C22orf31: variants seen among roughly 807,000 people sequenced by gnomAD.
The protein encoded by C22orf31 is chromosome 22 open reading frame 31, also known as uncharacterized protein C22orf31.
In C22orf31, 11 loss-of-function variants were observed where a neutral mutation model predicts 15.0. That is an observed-to-expected ratio of 0.73 (90% CI 0.46 to 1.21). C22orf31 has a LOEUF of 1.21. Among genes scored for constraint, C22orf31 ranks in the 50% most tolerant of loss-of-function variants. C22orf31 has a pLI of 0.00. For synonymous variants in C22orf31, 132 were observed against 133.3 expected, an observed-to-expected ratio of 0.99 and a Z score of 0.07; for missense variants, 340 against 347.2, an observed-to-expected ratio of 0.98 and a Z score of 0.17.
intron 1 of C22orf31, 67 bp from the exon 2 acceptor site, chr22:29,060,910 A>T: frequency 7.6e-7 from 1 of 1,311,230 alleles, no homozygotes; most frequent in Non-Finnish European, 1.1e-6. Context: ...TAAAAGGTCT[A>T]CTTTGAAGGC....
chr22:29,066,524 CTTTT>C (rs2037430526), upstream of C22orf31, among the ~76,000 whole-genome samples: 1 of 92,816 alleles, frequency 1.1e-5, no homozygotes, highest in Non-Finnish European at 2.3e-5. Flanking sequence ...TTCTTTCTTT[CTTTT>C]CTTTTCTTTT....
the C22orf31 span, among the ~76,000 whole-genome samples, chr22:29,069,006 C>T: frequency 6.6e-6 from 1 of 151,928 alleles, no homozygotes; most frequent in African/African-American, 2.4e-5. Context: ...TTGTGATCCT[C>T]TTGCCTCGGC....
intron 1 of C22orf31, 107 bp from the exon 2 acceptor site, chr22:29,060,950 C>A: frequency 1.1e-6 from 1 of 920,168 alleles, no homozygotes; most frequent in South Asian, 1.6e-5. Context: ...ATAGGCCATT[C>A]CTTCCACCCA....
chr22:29,067,353 C>T, the C22orf31 span, among the ~76,000 whole-genome samples: 2 of 151,580 alleles, frequency 1.3e-5, no homozygotes, highest in Non-Finnish European at 2.9e-5. Context: ...CATTCCAGTC[C>T]CAGCTCTGGA....
upstream of C22orf31, among the ~76,000 whole-genome samples, chr22:29,063,099 G>C (rs1424800197): frequency 6.6e-6 from 1 of 152,056 alleles, no homozygotes; most frequent in African/African-American, 2.4e-5. Context: ...TCTCCATCTT[G>C]AGTTTGGCTT....
the C22orf31 span, among the ~76,000 whole-genome samples, chr22:29,070,871 T>C: frequency 6.6e-6 from 1 of 152,238 alleles, no homozygotes; most frequent in African/African-American, 2.4e-5. Context: ...GACTAGAATG[T>C]AAGTTCCAAG....
chr22:29,067,151 T>C, the C22orf31 span, among the ~76,000 whole-genome samples: 1 of 152,216 alleles, frequency 6.6e-6, no homozygotes, highest in Non-Finnish European at 1.5e-5. Context: ...CTGTTCATAA[T>C]GGATTTTTTT....
At chr22:29,071,454 G>A in the C22orf31 span, among the ~76,000 whole-genome samples, 3 of 152,030 alleles carry the variant, frequency 2.0e-5, no homozygotes, top group African/African-American at 7.2e-5. Context: ...GGTGGCGCCC[G>A]GGGGTTGAGG....
At chr22:29,060,021 C>CTTTTTTTTTTTTTTTT (rs60208241) in intron 2 of C22orf31, 14 of 541,656 alleles carry the variant, frequency 2.6e-5, no homozygotes, top group African/African-American at 7.8e-5. Context: ...TTTTTCTTTT[C>CTTTTTTTTTTTTTTTT]TTTTTTTTTT....
upstream of C22orf31, among the ~76,000 whole-genome samples, chr22:29,066,534 CTTTTCTTTTTTTTTTTTTTTTTT>C (rs1328873560): frequency 4.6e-5 from 3 of 65,116 alleles, no homozygotes; most frequent in Admixed American, 4.0e-4. Flanking sequence ...CTTTTCTTTT[CTTTTCTTTTTTTTTTTTTTTTTT>C]TTTTTTTTTT....
At chr22:29,061,763 T>C (rs748920789) in intron 1 of C22orf31, 27 bp downstream of exon 1, 113 of 1,503,534 alleles carry the variant, frequency 7.5e-5, no homozygotes, top group Middle Eastern at 3.5e-4. Context: ...CTAAGAAATG[T>C]CATCTATAGA....
rs778666885 is a variant in C22orf31, at chr22:29,059,150, TG to T, written c.464del (p.Thr155LysfsTer49). 1.2e-6 allele frequency: 2 copies of T among 1,611,412 alleles called. No homozygotes were observed. Among genetic ancestry groups the T allele is most frequent in the Non-Finnish European group, 1.7e-6 (2 of 1,178,960 alleles). On this transcript the variant is annotated frameshift_variant, in exon 3 of 3. Transcript: ENST00000216071. LOFTEE classifies it low-confidence loss of function (END_TRUNC). ...ATCTGTCCTCAAGATCTTGGCGGAC[TG>T]TTAGTTTTTTCTCCTTTGAACTTTC... ...SKESSKEKKL[T>X]VRQDLEDRYA...
chr22:29,061,132 T>C (rs1158259898), intron 1 of C22orf31, among the ~76,000 whole-genome samples: 1 of 152,046 alleles, frequency 6.6e-6, no homozygotes, highest in Non-Finnish European at 1.5e-5. Context: ...TTGAAGACAA[T>C]TCCTGCCTGC....
chr22:29,071,696 C>G, the C22orf31 span, among the ~76,000 whole-genome samples: 1 of 151,840 alleles, frequency 6.6e-6, no homozygotes, highest in Non-Finnish European at 1.5e-5. Flanking sequence ...CTCTGCCTGG[C>G]GGGAGGGCGG....
chr22:29,060,764 T>G lies in C22orf31; in HGVS notation c.83A>C (p.Gln28Pro). The change falls in exon 2 of 3, where the codon CAG (glutamine) becomes CCG (proline). Residue 28 changes from glutamine to proline, a missense_variant. Transcript: ENST00000216071. ...AGCCGGTGAGTCCACATAGCAGTCCTGAAGCCTGGTATTTAATAAGATGGA... is the reference window on the plus strand; with the variant it reads ...AGCCGGTGAGTCCACATAGCAGTCCGGAAGCCTGGTATTTAATAAGATGGA... ...RQSILLNTRL[Q>P]DCYVDSPALT... 2 of 1,614,140 alleles carry G rather than the reference T, an allele frequency of 1.2e-6. No individual in the cohort carries two copies. Among genetic ancestry groups the G allele is most frequent in the Non-Finnish European group, 1.7e-6 (2 of 1,179,990 alleles).
upstream of C22orf31, among the ~76,000 whole-genome samples, chr22:29,066,784 CT>C (rs1267773350): frequency 1.3e-5 from 2 of 151,944 alleles, no homozygotes; most frequent in African/African-American, 2.4e-5. Context: ...TGGTCTTGGA[CT>C]CCTGACCTCA....
At chr22:29,071,504 C>T in the C22orf31 span, among the ~76,000 whole-genome samples, 1 of 152,186 alleles carries the variant, frequency 6.6e-6, no homozygotes, top group Non-Finnish European at 1.5e-5. Flanking sequence ...GCCGGTCCCG[C>T]CCAGCCGCGC....
chr22:29,067,941 G>A, the C22orf31 span, among the ~76,000 whole-genome samples: 1 of 152,168 alleles, frequency 6.6e-6, no homozygotes, highest in South Asian at 2.1e-4. Flanking sequence ...ATCAGGTACA[G>A]TAGCAAGCAT....
the C22orf31 span, chr22:29,073,294 C>T: frequency 7.5e-6 from 5 of 666,868 alleles, 1 homozygote; most frequent in South Asian, 2.8e-4. This position sits in a 1 kb window ranked among gnomAD's most constrained non-coding sequence, Gnocchi z 4.4. Context: ...CAAGGGCCGG[C>T]CGGCCTGAGA....
Sources: allele counts gnomAD v4.1 joint callset (sites outside exome capture counted in the v4.1 genomes callset), GRCh38; gene constraint gnomAD v4.1.1; non-coding constraint Gnocchi (gnomAD v3.1); transcripts MANE v1.5; gene names NCBI Gene and HGNC (gene_info 2026-07-23, HGNC 2026-07-21).